Variants in GALNT7 observed in about 807,000 individuals in gnomAD.
GALNT7 encodes the protein N-acetylgalactosaminyltransferase 7.
GALNT7 carries 60 observed loss-of-function variants against 82.1 expected under a neutral mutation model. The ratio of observed to expected loss-of-function variants is 0.73; its 90% confidence interval spans 0.59 to 0.91. The LOEUF (loss-of-function observed/expected upper bound fraction) is 0.91. Among genes scored for constraint, GALNT7 ranks in the 40% least tolerant of loss-of-function variants. The pLI is 0.00. For missense variants in GALNT7, 660 were observed against 804.2 expected, an observed-to-expected ratio of 0.82 and a Z score of 2.17; for synonymous variants, 243 against 275.1, an observed-to-expected ratio of 0.88 and a Z score of 1.15.
chr4:173,270,517 G>C (rs190026006), intron 2 of GALNT7, among the ~76,000 whole-genome samples: 1 of 152,178 alleles, frequency 6.6e-6, no homozygotes, highest in South Asian at 2.1e-4. Context: ...CACCATAGAG[G>C]TCAGTGCTGT....
chr4:173,199,587 G>A (rs1294538034), intron 1 of GALNT7, among the ~76,000 whole-genome samples: 2 of 152,136 alleles, frequency 1.3e-5, no homozygotes, highest in East Asian at 1.9e-4. Flanking sequence ...CCCCAGGTTT[G>A]CCCATCAGAG....
intron 1 of GALNT7, among the ~76,000 whole-genome samples, chr4:173,221,473 A>G (rs537779021): frequency 1.3e-5 from 2 of 152,372 alleles, no homozygotes; most frequent in African/African-American, 4.8e-5. Flanking sequence ...TATTAATCAT[A>G]TTAGGTCAGA....
Position 173,292,584 on chromosome 4 carries a change from A to T in GALNT7, c.754+310A>T, listed in dbSNP as rs1327132051. Among the ~76,000 whole-genome samples the T allele has an allele frequency of 3.9e-5, 6 of 152,210 alleles. No individual in the cohort carries two copies. Among genetic ancestry groups the T allele is most frequent in the African/African-American group, 1.4e-4 (6 of 41,466 alleles). ...TGATTATAATGTTAGAAGCGAAGAT[A>T]AACATAGGTAGCATGAAAATATCGT... On this transcript the variant is annotated intron_variant, in intron 3 of 11. Coordinates refer to ENST00000265000, the MANE Select transcript of GALNT7 (RefSeq NM_017423.3). This position sits in a 1 kb window ranked among gnomAD's most constrained non-coding sequence, Gnocchi z 4.8.
intron 8 of GALNT7, among the ~76,000 whole-genome samples, chr4:173,307,940 C>T (rs896263903): frequency 1.1e-4 from 17 of 152,182 alleles, no homozygotes; most frequent in Non-Finnish European, 5.9e-5. Flanking sequence ...GAAGGGCTGT[C>T]GTTTACCTCA....
intron 1 of GALNT7, among the ~76,000 whole-genome samples, chr4:173,179,681 G>A (rs531038757): frequency 1.3e-5 from 2 of 152,260 alleles, no homozygotes; most frequent in East Asian, 3.9e-4. Flanking sequence ...AGAATTTTAA[G>A]AATTAATACT....
intron 1 of GALNT7, among the ~76,000 whole-genome samples, chr4:173,176,201 G>A (rs933556065): frequency 6.6e-6 from 1 of 152,170 alleles, no homozygotes; most frequent in Non-Finnish European, 1.5e-5. Context: ...CAAATCTGGC[G>A]GAAAAGCATT....
At chr4:173,248,739 C>T (rs1264185361) in intron 2 of GALNT7, among the ~76,000 whole-genome samples, 1 of 152,122 alleles carries the variant, frequency 6.6e-6, no homozygotes, top group Admixed American at 6.5e-5. Context: ...AGAAAATGAG[C>T]TTGCACCAGG....
rs138672047 is a variant in GALNT7, at chr4:173,251,318, A to G, written c.587+2878A>G. Among the ~76,000 whole-genome samples, 572 of 152,358 alleles carry G rather than the reference A, an allele frequency of 3.8e-3. 6 individuals are homozygous for G. The highest frequency in any genetic ancestry group is 0.027 in the Middle Eastern group (8 of 294). ...ACCATACCAATCTCTCAGGATTAGC[A>G]TTAGAATTAAAATGACATAATTGAC... is the stretch of plus-strand genomic sequence containing the variant. On this transcript the variant is annotated intron_variant, in intron 2 of 11. Transcript: ENST00000265000.
chr4:173,240,972 G>A (rs2126726209), intron 1 of GALNT7, among the ~76,000 whole-genome samples: 1 of 152,274 alleles, frequency 6.6e-6, no homozygotes, highest in South Asian at 2.1e-4. Context: ...CCAGAAGGGA[G>A]GGGATTGCAC....
Position 173,321,611 on chromosome 4 carries a change from G to C in GALNT7, c.1868G>C (p.Gly623Ala), listed in dbSNP as rs763949485. Residue 623 changes from glycine (G) to alanine (A), a missense_variant, in exon 12 of 12, where the codon GGA becomes GCA. By Grantham distance (60) the Gly-to-Ala change is moderately conservative. Around this residue, in one of 2 missense-constraint regions of GALNT7, gnomAD observed 527 missense variants for 683.5 expected, o/e 0.77. Transcript: ENST00000265000. The part of the protein sequence containing the change: ...NLHRFTHIPS[G>A]KCLDRSEVLH... ...CACAGATTTACTCATATTCCTTCAG[G>C]AAAGTGTTTAGATCGCTCAGAGGTC... 4 of 1,610,800 alleles carry C rather than the reference G, an allele frequency of 2.5e-6. No individual in the cohort carries two copies. In the Admixed American group the frequency reaches 6.7e-5, roughly 27 times the overall value.
At chr4:173,178,052 T>C (rs12511423) in intron 1 of GALNT7, among the ~76,000 whole-genome samples, 66,915 of 127,866 alleles carry the variant, frequency 0.52, 17,118 homozygotes, top group Middle Eastern at 0.63. Flanking sequence ...TGTGTGTGTG[T>C]GCGCGCACGC....
chr4:173,242,339 C>G (rs137968456), intron 1 of GALNT7, among the ~76,000 whole-genome samples: 1 of 152,184 alleles, frequency 6.6e-6, no homozygotes, highest in Non-Finnish European at 1.5e-5. Context: ...TCCATAGTTA[C>G]CTGAAAGCAT....
chr4:173,198,772 G>A (rs1732857927), intron 1 of GALNT7, among the ~76,000 whole-genome samples: 2 of 152,124 alleles, frequency 1.3e-5, no homozygotes, highest in Admixed American at 6.5e-5. Flanking sequence ...AGCGAGGACT[G>A]GGGGAGGGAG....
Position 173,248,094 on chromosome 4 carries a change from G to C in GALNT7, c.241G>C (p.Asp81His). The change falls in exon 2 of 12, where the codon GAC (aspartate) becomes CAC (histidine). Residue 81 changes from aspartate to histidine, a missense_variant. Around this residue, in one of 2 missense-constraint regions of GALNT7, gnomAD observed 133 missense variants for 120.7 expected, o/e 1.10. Transcript: ENST00000265000. ...PWPHVEGVEV[D>H]LESIRRINKA... ...GCCTCATGTTGAAGGAGTAGAAGTG[G>C]ACTTAGAGTCTATTAGAAGAATAAA... 1 of 1,613,652 alleles carries C rather than the reference G, an allele frequency of 6.2e-7. No homozygotes were observed. The highest frequency in any genetic ancestry group is 1.1e-5 in the South Asian group (1 of 91,064).
rs542906742 is a variant in GALNT7, at chr4:173,235,565, T to TA, written c.127-12415_127-12414insA. Among the ~76,000 whole-genome samples, 563 of 151,066 alleles carry TA rather than the reference T, an allele frequency of 3.7e-3. 9 individuals are homozygous for TA. Among genetic ancestry groups the TA allele is most frequent in the Middle Eastern group, 0.027 (8 of 292 alleles). ...CCTTTTCTTTTCTTTTCTTTTTTTTTTTTTTCTTGAGACAGAGTCTTGCTC... is the reference window on the plus strand; with the variant it reads ...CCTTTTCTTTTCTTTTCTTTTTTTTTATTTTTCTTGAGACAGAGTCTTGCTC... On this transcript the variant is annotated intron_variant, in intron 1 of 11. Transcript: ENST00000265000.
intron 1 of GALNT7, among the ~76,000 whole-genome samples, chr4:173,219,613 A>G (rs1316368214): frequency 6.6e-6 from 1 of 151,940 alleles, no homozygotes; most frequent in Admixed American, 6.6e-5. Context: ...CCACCAACAG[A>G]GTAAAAGTGT....
At chr4:173,318,337 C>T (rs1737678297) in intron 10 of GALNT7, 94 bp from the exon 11 acceptor site, 3 of 888,140 alleles carry the variant, frequency 3.4e-6, no homozygotes, top group Non-Finnish European at 5.3e-6. Context: ...GTTAGTCATT[C>T]AATTTAATTA....
At position 173,210,674 on chromosome 4, in the gene GALNT7, C is replaced by T. The variant is rs931460788; in HGVS notation, c.127-37306C>T. Reference sequence around the variant, plus strand: ...TCTGGAACTCTGGGCTCAAGCGATCCGCCCACCTCGGCCTCGCAGCGTACT... The same window carrying T: ...TCTGGAACTCTGGGCTCAAGCGATCTGCCCACCTCGGCCTCGCAGCGTACT... On this transcript the variant is annotated intron_variant, in intron 1 of 11. Transcript: ENST00000265000. Among the ~76,000 whole-genome samples the T allele has an allele frequency of 4.6e-5, 7 of 152,218 alleles. No homozygotes were observed. In the South Asian group the frequency reaches 8.3e-4, roughly 18 times the overall value.
At chr4:173,314,235 G>A in intron 9 of GALNT7, 59 bp downstream of exon 9, 2 of 1,136,768 alleles carry the variant, frequency 1.8e-6, no homozygotes, top group South Asian at 1.2e-5. Flanking sequence ...AGAAGGCAGA[G>A]AGAGGTGGAA....
Sources: allele counts gnomAD v4.1 joint callset (sites outside exome capture counted in the v4.1 genomes callset), GRCh38; gene constraint gnomAD v4.1.1; regional missense constraint gnomAD v4.1.1; non-coding constraint Gnocchi (gnomAD v3.1); transcripts MANE v1.5; gene names NCBI Gene and HGNC (gene_info 2026-07-23, HGNC 2026-07-21).